USP40: variants seen among roughly 807,000 people sequenced by gnomAD.
The protein encoded by USP40 is ubiquitin specific peptidase 40.
USP40 carries 143 observed loss-of-function variants against 166.2 expected under a neutral mutation model. The ratio of observed to expected loss-of-function variants is 0.86; its 90% CI spans 0.75 to 0.99. USP40 has a LOEUF of 0.99. USP40 is among the 50% of genes least tolerant of loss of function. The probability of loss-of-function intolerance (pLI) is 0.00; values close to 1 mark genes in which losing one functional copy is unlikely to be tolerated. For synonymous variants in USP40, 498 were observed against 524.0 expected, an observed-to-expected ratio of 0.95 and a Z score of 0.68; for missense variants, 1,444 against 1,479.7, an observed-to-expected ratio of 0.98 and a Z score of 0.40.
chr2:233,529,868 C>T (rs1438690967), intron 11 of USP40, among the ~76,000 whole-genome samples: 7 of 141,734 alleles, frequency 4.9e-5, no homozygotes, highest in South Asian at 2.2e-4. Flanking sequence ...AGTGCAGTGG[C>T]GCAATCTTAG....
chr2:233,509,487 A>G (rs2066648350), intron 21 of USP40, among the ~76,000 whole-genome samples: 1 of 152,170 alleles, frequency 6.6e-6, no homozygotes, highest in Admixed American at 6.5e-5. Flanking sequence ...TGCACATTCA[A>G]CATTTCTATA....
chr2:233,498,166 T>G (rs1320408832), intron 23 of USP40, among the ~76,000 whole-genome samples: 1 of 152,188 alleles, frequency 6.6e-6, no homozygotes, highest in Non-Finnish European at 1.5e-5. Flanking sequence ...AGTAAGAAAT[T>G]CTGCCACCAT....
At chr2:233,531,967 G>GA (rs1487969234) in intron 11 of USP40, among the ~76,000 whole-genome samples, 5 of 152,088 alleles carry the variant, frequency 3.3e-5, no homozygotes, top group African/African-American at 4.8e-5. Context: ...GAACTAAATT[G>GA]AAAGGAACAC....
intron 20 of USP40, among the ~76,000 whole-genome samples, chr2:233,511,101 C>G (rs1458754605): frequency 6.6e-6 from 1 of 152,092 alleles, no homozygotes; most frequent in East Asian, 1.9e-4. Context: ...ACAGGGTATT[C>G]ACAATAAGAA....
At chr2:233,564,464 G>A (rs879821359) in intron 2 of USP40, among the ~76,000 whole-genome samples, 3 of 152,140 alleles carry the variant, frequency 2.0e-5, no homozygotes, top group Non-Finnish European at 4.4e-5. Flanking sequence ...TTGCAGAGAT[G>A]GGGTATGGGA....
chr2:233,499,530 T>A (rs573796148), intron 22 of USP40, among the ~76,000 whole-genome samples: 1 of 152,222 alleles, frequency 6.6e-6, no homozygotes, highest in Non-Finnish European at 1.5e-5. Flanking sequence ...TACCCAGTAA[T>A]GGGATTGCTG....
chr2:233,508,867 G>A (rs1467801489), intron 21 of USP40, among the ~76,000 whole-genome samples: 1 of 152,114 alleles, frequency 6.6e-6, no homozygotes, highest in Non-Finnish European at 1.5e-5. Context: ...CAGATTTTAT[G>A]TACTTGTTTC....
chr2:233,488,758 T>G (rs1233518496), intron 27 of USP40, among the ~76,000 whole-genome samples: 1 of 152,040 alleles, frequency 6.6e-6, no homozygotes, highest in Admixed American at 6.6e-5. Flanking sequence ...AACAAAAAAT[T>G]AGCCTGGTGT....
intron 16 of USP40, among the ~76,000 whole-genome samples, 187 bp downstream of exon 16, chr2:233,522,983 C>T (rs2067759535): frequency 6.6e-6 from 1 of 152,140 alleles, no homozygotes; most frequent in South Asian, 2.1e-4. Context: ...AGTCCCTTTA[C>T]AAAAAATCAT....
chr2:233,544,478 G>C (rs1178083394), intron 8 of USP40, among the ~76,000 whole-genome samples: 1 of 152,166 alleles, frequency 6.6e-6, no homozygotes, highest in Non-Finnish European at 1.5e-5. Flanking sequence ...CAAGGTCAGG[G>C]AAGCAGGGCT....
intron 18 of USP40, among the ~76,000 whole-genome samples, chr2:233,513,489 T>C (rs2066970106): frequency 6.6e-6 from 1 of 152,126 alleles, no homozygotes; most frequent in African/African-American, 2.4e-5. Flanking sequence ...GTGGTGCACA[T>C]GTGTTATTTA....
intron 21 of USP40, among the ~76,000 whole-genome samples, chr2:233,506,045 T>C (rs1442095713): frequency 6.6e-6 from 1 of 152,056 alleles, no homozygotes; most frequent in Non-Finnish European, 1.5e-5. Context: ...GTCAAAGCAA[T>C]TGTGAGCAAA....
chr2:233,490,799 C>T (rs1227101802), intron 26 of USP40, among the ~76,000 whole-genome samples: 5 of 152,142 alleles, frequency 3.3e-5, no homozygotes, highest in African/African-American at 1.2e-4. Flanking sequence ...TTCATAACAA[C>T]ATTTAACATA....
chr2:233,529,408 C>T (rs2068314816), intron 12 of USP40, 23 bp downstream of exon 12: 2 of 1,544,810 alleles, frequency 1.3e-6, no homozygotes, highest in Non-Finnish European at 1.8e-6. Context: ...ACTAGTCAAA[C>T]TCTAAAAGCA....
chr2:233,549,044 A>C, intron 8 of USP40, 57 bp downstream of exon 8: 1 of 1,500,936 alleles, frequency 6.7e-7, no homozygotes, highest in Non-Finnish European at 8.9e-7. Context: ...CCTCAACAAA[A>C]TAATAGGAAT....
At chr2:233,538,316 C>A (rs2069090546) in intron 10 of USP40, among the ~76,000 whole-genome samples, 1 of 152,028 alleles carries the variant, frequency 6.6e-6, no homozygotes. Flanking sequence ...ACTAAACATT[C>A]TAATAAAAAG....
intron 17 of USP40, among the ~76,000 whole-genome samples, chr2:233,520,533 A>C (rs1400128412): frequency 6.6e-6 from 1 of 152,202 alleles, no homozygotes; most frequent in Non-Finnish European, 1.5e-5. Context: ...GAACTGAAAG[A>C]GTTCCTTTTA....
chr2:233,549,037 C>T (rs977764317), intron 8 of USP40, 64 bp downstream of exon 8: 1 of 1,474,112 alleles, frequency 6.8e-7, no homozygotes, highest in Non-Finnish European at 9.1e-7. Context: ...AAAATTTCCT[C>T]AACAAAATAA....
In USP40 at chr2:233,533,478, C is replaced by G; in HGVS notation, c.1471+1G>C. On this transcript the variant is annotated splice_donor_variant, in intron 11 of 31. Transcript: ENST00000678225. LOFTEE classifies it high-confidence loss of function. Reference sequence around the variant, plus strand: ...AAATAGGAACATTTTTCTTTCCATACCTTCAGGGGGTCTCTGCAACTGGGA... The same window carrying G: ...AAATAGGAACATTTTTCTTTCCATAGCTTCAGGGGGTCTCTGCAACTGGGA... 1.2e-6 allele frequency: 2 copies of G among 1,610,532 alleles called. No homozygotes were observed. The highest frequency in any genetic ancestry group is 1.7e-6 in the Non-Finnish European group (2 of 1,177,632).
Sources: gnomAD v4.1 joint callset for allele counts (sites outside exome capture counted in the v4.1 genomes callset) on GRCh38, gnomAD v4.1.1 for gene constraint, MANE v1.5 for transcripts, NCBI Gene and HGNC (gene_info 2026-07-23, HGNC 2026-07-21) for gene names.